The following DOCK8 variants were observed in gnomAD, a reference collection of about 807,000 sequenced individuals.
DOCK8 encodes dedicator of cytokinesis protein 8.
In DOCK8, 141 loss-of-function variants were observed where a neutral mutation model predicts 245.6. The observed-to-expected ratio is 0.57, with a 90% CI of 0.50 to 0.66. The LOEUF (loss-of-function observed/expected upper bound fraction) is 0.66. Among genes scored for constraint, DOCK8 ranks in the 30% least tolerant of loss-of-function variants. The probability of loss-of-function intolerance (pLI) is 0.00; values close to 1 mark genes in which losing one functional copy is unlikely to be tolerated. For missense variants in DOCK8, 2,965 were observed against 2,603.4 expected (o/e 1.14, Z -3.02); for synonymous variants, 1,168 against 970.2 (o/e 1.20, Z -3.79).
Position 446,380 on chromosome 9 carries a change from A to G in DOCK8, c.5591A>G (p.Gln1864Arg). The change falls in exon 44 of 48, where the codon CAG becomes CGG. Residue 1864 changes from glutamine to arginine, a missense_variant. By Grantham distance (43) the Gln-to-Arg change is conservative (BLOSUM62 1). Around this residue, in one of 3 missense-constraint regions of DOCK8, gnomAD observed 2,825 missense variants for 2,453.5 expected, o/e 1.15. Transcript: ENST00000432829. ...CCTTTTCCCCCTTAGGCCTACATAC[A>G]GATCACTTTTGTGGAGCCCTACTTT... The part of the protein sequence containing the change: ...TKLDPNKAYI[Q>R]ITFVEPYFDE... The G allele has an allele frequency of 6.2e-7, 1 of 1,614,152 alleles. No homozygotes were observed. The highest frequency in any genetic ancestry group is 8.5e-7 in the Non-Finnish European group (1 of 1,179,988).
intron 25 of DOCK8, 35 bp from the exon 26 acceptor site, chr9:399,111 C>T (rs373153103): frequency 2.5e-6 from 4 of 1,591,584 alleles, no homozygotes; most frequent in South Asian, 1.1e-5. Context: ...CCAGAGTGTC[C>T]CACAAAATGA....
chr9:391,801 C>A (rs1474044812), intron 24 of DOCK8, among the ~76,000 whole-genome samples: 1 of 149,626 alleles, frequency 6.7e-6, no homozygotes. Context: ...GGGTTCTTTC[C>A]CCTGTCCCAT....
intron 46 of DOCK8, among the ~76,000 whole-genome samples, chr9:457,812 G>A (rs1019305996): frequency 1.3e-5 from 2 of 152,254 alleles, no homozygotes; most frequent in South Asian, 4.1e-4. Context: ...TCTGGCTTCA[G>A]CTGTGTGCAG....
intron 34 of DOCK8, among the ~76,000 whole-genome samples, chr9:428,134 C>A (rs1179608769): frequency 6.6e-6 from 1 of 152,148 alleles, no homozygotes; most frequent in African/African-American, 2.4e-5. Context: ...CATTTAGGAA[C>A]CCAGAATTAG....
intron 1 of DOCK8, among the ~76,000 whole-genome samples, chr9:247,556 G>C (rs961313836): frequency 1.8e-4 from 28 of 152,002 alleles, no homozygotes; most frequent in Non-Finnish European, 3.2e-4. Context: ...TTGTTTGAGA[G>C]GGAGTCTCGC....
chr9:236,178 T>G (rs1388116652), intron 1 of DOCK8, among the ~76,000 whole-genome samples: 1 of 152,178 alleles, frequency 6.6e-6, no homozygotes, highest in Non-Finnish European at 1.5e-5. Flanking sequence ...CCTTAGTGTG[T>G]GGCTTTCATC....
chr9:291,247 C>T (rs1400373405), intron 4 of DOCK8, among the ~76,000 whole-genome samples: 1 of 152,148 alleles, frequency 6.6e-6, no homozygotes, highest in Non-Finnish European at 1.5e-5. Context: ...CATGGCAATG[C>T]ACGCTTCTTG....
chr9:333,951 C>A (rs1266383301), intron 10 of DOCK8, among the ~76,000 whole-genome samples: 1 of 152,142 alleles, frequency 6.6e-6, no homozygotes, highest in Non-Finnish European at 1.5e-5. Context: ...TAATGAGTCT[C>A]TTTTTGTTTT....
At chr9:280,398 T>G (rs1466744125) in intron 2 of DOCK8, among the ~76,000 whole-genome samples, 2 of 152,344 alleles carry the variant, frequency 1.3e-5, no homozygotes, top group African/African-American at 4.8e-5. Flanking sequence ...TCAGGTTCAC[T>G]CAGAGAAACA....
chr9:423,488 A>C (rs1283365906), intron 33 of DOCK8, among the ~76,000 whole-genome samples: 1 of 152,218 alleles, frequency 6.6e-6, no homozygotes, highest in Non-Finnish European at 1.5e-5. Context: ...TATGGGGCAG[A>C]CTTGATTAGC....
chr9:390,196 G>A (rs1410204462), intron 23 of DOCK8, among the ~76,000 whole-genome samples: 1 of 152,090 alleles, frequency 6.6e-6, no homozygotes, highest in Non-Finnish European at 1.5e-5. Flanking sequence ...TTCCCCCGTA[G>A]AATAGAGTTT....
chr9:251,335 T>TTGCTAACA (rs1442339977), intron 1 of DOCK8, among the ~76,000 whole-genome samples: 1 of 152,172 alleles, frequency 6.6e-6, no homozygotes, highest in Admixed American at 6.5e-5. Context: ...CTTTTACCCA[T>TTGCTAACA]TGCTAACATG....
At chr9:366,981 C>T (rs2053034327) in intron 14 of DOCK8, among the ~76,000 whole-genome samples, 1 of 152,184 alleles carries the variant, frequency 6.6e-6, no homozygotes, top group South Asian at 2.1e-4. Context: ...TGGAACTAGA[C>T]AGTCTGGGTT....
At chr9:306,078 G>T (rs1475321399) in intron 5 of DOCK8, among the ~76,000 whole-genome samples, 1 of 152,164 alleles carries the variant, frequency 6.6e-6, no homozygotes, top group African/African-American at 2.4e-5. Flanking sequence ...CCATTTTATA[G>T]ATGAGAAAAA....
chr9:359,261 C>G (rs2052605133), intron 14 of DOCK8, among the ~76,000 whole-genome samples: 1 of 152,218 alleles, frequency 6.6e-6, no homozygotes, highest in Non-Finnish European at 1.5e-5. Flanking sequence ...TCTGGTGAGT[C>G]TAATTGTTGA....
intron 42 of DOCK8, among the ~76,000 whole-genome samples, chr9:442,352 G>C (rs2057119479): frequency 6.6e-6 from 1 of 152,210 alleles, no homozygotes; most frequent in Non-Finnish European, 1.5e-5. Context: ...CTAGTAGATA[G>C]AGAGTAGTAG....
At chr9:221,318 C>T (rs992068896) in intron 1 of DOCK8, among the ~76,000 whole-genome samples, 3 of 152,080 alleles carry the variant, frequency 2.0e-5, no homozygotes, top group African/African-American at 7.2e-5. Flanking sequence ...GGCAGCCGGC[C>T]CTCTGCATCT....
At chr9:431,631 C>T (rs565604332) in intron 36 of DOCK8, among the ~76,000 whole-genome samples, 10 of 152,230 alleles carry the variant, frequency 6.6e-5, no homozygotes, top group Admixed American at 6.5e-4. Flanking sequence ...GCCTCAGCCT[C>T]TCGAGTAGCT....
At position 377,147 on chromosome 9, in the gene DOCK8, G is replaced by C; in HGVS notation, c.2376G>C (p.Leu792=). ...SSRLEPLVLF[L]HLVLDKLFQL... is the part of the protein sequence containing the mutation. Reference sequence around the variant, plus strand: ...GCCTGGAGCCGCTCGTGCTCTTCCTGCACCTGGTGCTGGACAAGCTCTTCC... The same window carrying C: ...GCCTGGAGCCGCTCGTGCTCTTCCTCCACCTGGTGCTGGACAAGCTCTTCC... Residue 792 remains leucine (L), a synonymous_variant, in exon 20 of 48, where the codon CTG becomes CTC. Transcript: ENST00000432829. 6.2e-7 allele frequency: 1 copy of C among 1,606,916 alleles called. No individual in the cohort carries two copies. Among genetic ancestry groups the C allele is most frequent in the Non-Finnish European group, 8.5e-7 (1 of 1,179,708 alleles).
Sources: allele counts gnomAD v4.1 joint callset (sites outside exome capture counted in the v4.1 genomes callset), GRCh38; gene constraint gnomAD v4.1.1; regional missense constraint gnomAD v4.1.1; transcripts MANE v1.5; gene names NCBI Gene and HGNC (gene_info 2026-07-23, HGNC 2026-07-21).